The following RANBP17 variants were observed in gnomAD, a reference collection of about 807,000 sequenced individuals.
The protein encoded by RANBP17 is ran-binding protein 17.
RANBP17 carries 158 observed loss-of-function variants against 141.2 expected under a neutral mutation model. The observed-to-expected ratio is 1.12, with a 90% CI of 0.98 to 1.28. The LOEUF (loss-of-function observed/expected upper bound fraction) is 1.28. Ranked by LOEUF, RANBP17 falls within the 50% of genes most tolerant of loss-of-function variation. RANBP17 has a pLI of 0.00. For synonymous variants in RANBP17, 430 were observed against 450.0 expected, an observed-to-expected ratio of 0.96 and a Z score of 0.56; for missense variants, 1,438 against 1,290.7, an observed-to-expected ratio of 1.11 and a Z score of -1.75.
At chr5:170,924,772 C>G (rs1772782687) in intron 12 of RANBP17, 2 of 366,458 alleles carry the variant, frequency 5.5e-6, no homozygotes, top group South Asian at 1.6e-4. Context: ...ATATACTTCT[C>G]TCTGGAATCA....
At chr5:171,168,208 T>C (rs1249776994) in intron 14 of RANBP17, among the ~76,000 whole-genome samples, 2 of 152,176 alleles carry the variant, frequency 1.3e-5, no homozygotes, top group African/African-American at 4.8e-5. Flanking sequence ...CTGGACGTTG[T>C]GGGAACATAA....
intron 25 of RANBP17, among the ~76,000 whole-genome samples, chr5:171,291,962 C>G (rs903219552): frequency 3.9e-5 from 6 of 152,222 alleles, no homozygotes; most frequent in Non-Finnish European, 8.8e-5. Flanking sequence ...ATTGGCACAT[C>G]ACTTCAAGAT....
Position 171,187,443 on chromosome 5 carries a change from TA to T in RANBP17, c.2038+4026del, listed in dbSNP as rs543248889. 4.6e-3 allele frequency among the ~76,000 whole-genome samples: 653 copies of T among 142,708 alleles called. 1 individual carries two copies. The highest frequency in any genetic ancestry group is 0.011 in the African/African-American group (419 of 39,184). 93.6% of individuals were successfully genotyped at this position (142,708 alleles called of 152,430 possible). On this transcript the variant is annotated intron_variant, in intron 18 of 27. Transcript: ENST00000523189. ...GTTTGCCACAAATCTTTAATTTGTT[TA>T]AAAAAAAAAAAAGTGTGGTATCTGT... is the stretch of plus-strand genomic sequence containing the variant.
intron 14 of RANBP17, among the ~76,000 whole-genome samples, chr5:171,116,413 G>A (rs1755636009): frequency 6.6e-6 from 1 of 152,132 alleles, no homozygotes; most frequent in Non-Finnish European, 1.5e-5. Context: ...ACGGGGAGAA[G>A]TATTCAAAGA....
chr5:171,253,405 G>A (rs1454922893), intron 24 of RANBP17, among the ~76,000 whole-genome samples: 3 of 152,226 alleles, frequency 2.0e-5, no homozygotes, highest in Non-Finnish European at 4.4e-5. Flanking sequence ...GGTTCAGTAT[G>A]TATAGAAGCA....
rs533049381 is a variant in RANBP17, at chr5:170,950,078, C to A, written c.1469-3519C>A. Among the ~76,000 whole-genome samples, 5 of 152,154 alleles carry A rather than the reference C, an allele frequency of 3.3e-5. No homozygotes were observed. In the South Asian group the frequency reaches 1.0e-3, roughly 32 times the overall value. Reference sequence around the variant, plus strand: ...AATAAAACTGGACTTCTACCTCTTACCGTATACAAAAATGAAATCTAGATG... The same window carrying A: ...AATAAAACTGGACTTCTACCTCTTAACGTATACAAAAATGAAATCTAGATG... On this transcript the variant is annotated intron_variant, in intron 12 of 27. Transcript: ENST00000523189.
chr5:171,150,284 A>G (rs965122141), intron 14 of RANBP17, among the ~76,000 whole-genome samples: 1 of 152,116 alleles, frequency 6.6e-6, no homozygotes, highest in Admixed American at 6.6e-5. Context: ...ATATAATTAA[A>G]ATGTTTTTCT....
In RANBP17 at chr5:171,213,698, A is replaced by G. The variant is rs1370087163; in HGVS notation, c.2299A>G (p.Thr767Ala). 4 of 1,613,664 alleles carry G rather than the reference A, an allele frequency of 2.5e-6. No homozygotes were observed. Among genetic ancestry groups the G allele is most frequent in the Non-Finnish European group, 3.4e-6 (4 of 1,179,714 alleles). ...GTGGTATGGAGAGCCAACATGTACAACTCCCATCTTGAAACTTATGGCAGA... is the reference window on the plus strand; with the variant it reads ...GTGGTATGGAGAGCCAACATGTACAGCTCCCATCTTGAAACTTATGGCAGA... ...ERWYGEPTCT[T>A]PILKLMAELM... Residue 767 changes from threonine to alanine, a missense_variant, in exon 21 of 28, where the codon ACT becomes GCT. By Grantham distance (58) the Thr-to-Ala change is moderately conservative (BLOSUM62 0). Coordinates refer to ENST00000523189, the MANE Select transcript of RANBP17 (RefSeq NM_022897.5).
chr5:171,245,493 T>C (rs916001048), intron 24 of RANBP17, among the ~76,000 whole-genome samples: 2 of 152,236 alleles, frequency 1.3e-5, no homozygotes, highest in East Asian at 3.9e-4. Flanking sequence ...TTTGTTTTTT[T>C]AGTAGAGACG....
intron 2 of RANBP17, among the ~76,000 whole-genome samples, chr5:170,879,494 G>T (rs1339499505): frequency 2.0e-5 from 3 of 152,118 alleles, no homozygotes; most frequent in Non-Finnish European, 1.5e-5. Context: ...GACAATGTGG[G>T]AAGTATATAA....
chr5:170,912,563 G>A (rs1771613013), intron 7 of RANBP17, among the ~76,000 whole-genome samples: 1 of 151,904 alleles, frequency 6.6e-6, no homozygotes, highest in Non-Finnish European at 1.5e-5. Flanking sequence ...CTGAAACAAG[G>A]ACAGGATATT....
intron 14 of RANBP17, among the ~76,000 whole-genome samples, chr5:171,049,536 T>C (rs1369277672): frequency 6.6e-6 from 1 of 152,228 alleles, no homozygotes; most frequent in Non-Finnish European, 1.5e-5. Context: ...TGTCATGAAA[T>C]CTTTGCCAAG....
intron 14 of RANBP17, among the ~76,000 whole-genome samples, chr5:171,018,271 GTTT>G (rs1202625825): frequency 6.6e-5 from 10 of 151,716 alleles, no homozygotes; most frequent in Admixed American, 6.6e-4. Context: ...ATTTAAAGTA[GTTT>G]TTTTTCTAAT....
chr5:171,269,398 C>T (rs112427541), intron 25 of RANBP17, among the ~76,000 whole-genome samples: 3 of 152,234 alleles, frequency 2.0e-5, no homozygotes, highest in African/African-American at 4.8e-5. Flanking sequence ...ACTTCTGAGT[C>T]GGCTGGACTG....
At chr5:170,961,786 A>G (rs1335801045) in intron 13 of RANBP17, among the ~76,000 whole-genome samples, 3 of 152,208 alleles carry the variant, frequency 2.0e-5, no homozygotes, top group Non-Finnish European at 4.4e-5. Flanking sequence ...AGTCTTATAC[A>G]CTTGTTAGAG....
intron 1 of RANBP17, 24 bp downstream of exon 1, chr5:170,862,075 C>T (rs1234560667): frequency 4.8e-6 from 7 of 1,445,524 alleles, no homozygotes; most frequent in Admixed American, 2.7e-5. Flanking sequence ...GCGCCGCGGG[C>T]CCGCGCTCCG....
chr5:171,156,161 A>G (rs1046869341), intron 14 of RANBP17, among the ~76,000 whole-genome samples: 42 of 152,074 alleles, frequency 2.8e-4, no homozygotes, highest in East Asian at 3.8e-4. Flanking sequence ...CCTAGTTTCT[A>G]TATCTTTCTA....
At chr5:171,048,073 GA>G (rs753530923) in intron 14 of RANBP17, among the ~76,000 whole-genome samples, 10 of 151,978 alleles carry the variant, frequency 6.6e-5, no homozygotes, top group East Asian at 1.9e-4. Context: ...GTTTCTGATA[GA>G]TTTTTTTGTT....
At chr5:171,179,290 T>C (rs2127909526) in intron 16 of RANBP17, among the ~76,000 whole-genome samples, 1 of 152,288 alleles carries the variant, frequency 6.6e-6, no homozygotes, top group East Asian at 1.9e-4. Flanking sequence ...CCCTTAGTAC[T>C]TTTATAATGG....
Sources: gnomAD v4.1 joint callset for allele counts (sites outside exome capture counted in the v4.1 genomes callset) on GRCh38, gnomAD v4.1.1 for gene constraint, MANE v1.5 for transcripts, NCBI Gene and HGNC (gene_info 2026-07-23, HGNC 2026-07-21) for gene names.